Variants in FGD4 observed in about 807,000 individuals in gnomAD.
The protein encoded by FGD4 is FYVE, RhoGEF and PH domain containing 4, also known as FYVE, RhoGEF and PH domain-containing protein 4.
FGD4 carries 42 observed loss-of-function variants against 102.0 expected under a neutral mutation model. The ratio of observed to expected loss-of-function variants is 0.41; its 90% confidence interval spans 0.32 to 0.53. The LOEUF is 0.53. FGD4 is among the 20% of genes least tolerant of loss of function. FGD4 has a pLI of 0.21. For synonymous variants in FGD4, 380 were observed against 375.7 expected (o/e 1.01, Z -0.13); for missense variants, 902 against 1,078.2 (o/e 0.84, Z 2.29).
chr12:32,513,617 C>G (rs1939606415), intron 1 of FGD4, among the ~76,000 whole-genome samples: 1 of 152,076 alleles, frequency 6.6e-6, no homozygotes, highest in Non-Finnish European at 1.5e-5. Context: ...AAGACTGGCA[C>G]AAGGATGTAC....
chr12:32,477,170 C>T (rs1426645992), intron 1 of FGD4, among the ~76,000 whole-genome samples: 2 of 151,976 alleles, frequency 1.3e-5, no homozygotes, highest in African/African-American at 2.4e-5. Flanking sequence ...TGCCTGTAAT[C>T]CCAGCTACTC....
At chr12:32,633,856 G>A (rs564553239) in intron 15 of FGD4, among the ~76,000 whole-genome samples, 167 bp downstream of exon 15, 55 of 152,138 alleles carry the variant, frequency 3.6e-4, no homozygotes, top group Non-Finnish European at 7.1e-4. Context: ...GCTAATTTTT[G>A]TATTTTTAGT....
At chr12:32,577,169 A>G (rs1177924212) in intron 3 of FGD4, among the ~76,000 whole-genome samples, 4 of 148,188 alleles carry the variant, frequency 2.7e-5, no homozygotes, top group Admixed American at 6.9e-5. Context: ...AAAACTCTCA[A>G]TTGTTTATTT....
intron 1 of FGD4, among the ~76,000 whole-genome samples, chr12:32,412,239 T>C (rs1941238577): frequency 6.6e-6 from 1 of 152,194 alleles, no homozygotes; most frequent in African/African-American, 2.4e-5. Context: ...AGACGTTATT[T>C]TGTAGAAAGA....
intron 1 of FGD4, among the ~76,000 whole-genome samples, chr12:32,444,497 C>T (rs944987482): frequency 2.0e-5 from 3 of 152,024 alleles, no homozygotes; most frequent in African/African-American, 4.8e-5. Flanking sequence ...CTCCGTCTCC[C>T]GGGTTCAAGT....
At chr12:32,426,980 G>T (rs1199668619) in intron 1 of FGD4, among the ~76,000 whole-genome samples, 4 of 149,882 alleles carry the variant, frequency 2.7e-5, no homozygotes, top group Admixed American at 6.6e-5. Context: ...TCTGGCTAGT[G>T]GTCTATTTTG....
rs147129539 is a variant in FGD4, at chr12:32,501,129, A to G, written c.167-63008A>G. On this transcript the variant is annotated intron_variant, in intron 1 of 16. Coordinates refer to ENST00000534526, the MANE Select transcript of FGD4 (RefSeq NM_001370298.3). ...TACAGTGATGCAGTCATGGCTTACT[A>G]CAGCCTTGGCCTCCTGGGCCCAAGC... is the stretch of plus-strand genomic sequence containing the variant. Among the ~76,000 whole-genome samples the G allele has an allele frequency of 2.2e-4, 33 of 152,292 alleles. No individual in the cohort carries two copies. The East Asian group carries it at 6.2e-3, about 28-fold the overall frequency.
chr12:32,413,883 G>A (rs765135089), intron 1 of FGD4, among the ~76,000 whole-genome samples: 3 of 151,944 alleles, frequency 2.0e-5, no homozygotes, highest in African/African-American at 7.3e-5. Flanking sequence ...GGTAGATGAA[G>A]GAACTACAGA....
chr12:32,419,940 G>A (rs1471216321), intron 1 of FGD4, among the ~76,000 whole-genome samples: 1 of 152,228 alleles, frequency 6.6e-6, no homozygotes, highest in Non-Finnish European at 1.5e-5. Context: ...GCTGGGAGAA[G>A]GGGGAGGGCT....
intron 1 of FGD4, among the ~76,000 whole-genome samples, chr12:32,479,857 C>T (rs1304140722): frequency 1.3e-4 from 18 of 139,202 alleles, no homozygotes; most frequent in Admixed American, 2.3e-4. Context: ...GGCGCAATCT[C>T]GGCTCACTGC....
intron 1 of FGD4, among the ~76,000 whole-genome samples, chr12:32,473,614 C>A (rs1289515967): frequency 2.0e-5 from 3 of 152,170 alleles, no homozygotes; most frequent in African/African-American, 7.2e-5. Flanking sequence ...CGGCTTCATT[C>A]TTGAAGTCAG....
intron 1 of FGD4, among the ~76,000 whole-genome samples, chr12:32,420,335 C>T (rs1469308587): frequency 6.6e-6 from 1 of 152,134 alleles, no homozygotes; most frequent in Non-Finnish European, 1.5e-5. Flanking sequence ...AGTTACTGCC[C>T]TAGGTGCAAG....
intron 7 of FGD4, among the ~76,000 whole-genome samples, chr12:32,606,497 C>T (rs890157191): frequency 6.6e-6 from 1 of 150,896 alleles, no homozygotes; most frequent in Non-Finnish European, 1.5e-5. Context: ...CCTCTCTGTC[C>T]CTTTCATTTA....
intron 1 of FGD4, among the ~76,000 whole-genome samples, chr12:32,450,714 G>A (rs567946248): frequency 5.3e-5 from 8 of 152,104 alleles, no homozygotes; most frequent in South Asian, 2.1e-4. Flanking sequence ...TCATACACAC[G>A]TACACATTTA....
chr12:32,400,637 T>C (rs560918757), intron 1 of FGD4, among the ~76,000 whole-genome samples: 4 of 152,330 alleles, frequency 2.6e-5, no homozygotes, highest in Admixed American at 6.5e-5. Flanking sequence ...CCCTGTCTTG[T>C]AAATGTGTTC....
chr12:32,435,498 A>AGTGTGTGTGTGTGTGT (rs3076971), intron 1 of FGD4, among the ~76,000 whole-genome samples: 40,084 of 149,410 alleles, frequency 0.27, 6,051 homozygotes, highest in African/African-American at 0.4. Flanking sequence ...CAATTAAAAA[A>AGTGTGTGTGTGTGTGT]GTGTGTGTGT....
At chr12:32,469,173 A>G (rs1400491553) in intron 1 of FGD4, among the ~76,000 whole-genome samples, 1 of 152,108 alleles carries the variant, frequency 6.6e-6, no homozygotes, top group African/African-American at 2.4e-5. Context: ...CGCAAACAGT[A>G]TATACTTATT....
At chr12:32,624,557 T>A (rs371649421) in intron 12 of FGD4, 105 bp downstream of exon 12, 1 of 964,562 alleles carries the variant, frequency 1.0e-6, no homozygotes, top group African/African-American at 1.6e-5. Context: ...CACTGCAGCC[T>A]CTGTCTGGGC....
chr12:32,435,980 A>G (rs543068032), intron 1 of FGD4, among the ~76,000 whole-genome samples: 1 of 152,330 alleles, frequency 6.6e-6, no homozygotes, highest in African/African-American at 2.4e-5. Context: ...GGACTTTCTC[A>G]AAGTACCCTT....
Sources: gnomAD v4.1 joint callset for allele counts (sites outside exome capture counted in the v4.1 genomes callset) on GRCh38, gnomAD v4.1.1 for gene constraint, MANE v1.5 for transcripts, NCBI Gene and HGNC (gene_info 2026-07-23, HGNC 2026-07-21) for gene names.